The following MAML3 variants were observed in gnomAD, a reference collection of about 807,000 sequenced individuals.
MAML3 encodes mastermind like transcriptional coactivator 3, also known as mastermind-like protein 3.
MAML3 carries 27 observed loss-of-function variants against 101.9 expected under a neutral mutation model. That is an observed-to-expected ratio of 0.27 (90% CI 0.20 to 0.37). The LOEUF (loss-of-function observed/expected upper bound fraction) is 0.37, where lower values mean the gene tolerates loss of function less well. Among genes scored for constraint, MAML3 ranks in the 10% least tolerant of loss-of-function variants. The pLI is 1.00. For synonymous variants in MAML3, 501 were observed against 555.9 expected (o/e 0.90, Z 1.39); for missense variants, 1,316 against 1,444.9 (o/e 0.91, Z 1.45).
chr4:139,966,820 T>C lies in MAML3; in HGVS notation c.469-75853A>G, dbSNP rs181216862. Among the ~76,000 whole-genome samples the C allele has an allele frequency of 3.0e-3, 460 of 152,276 alleles. 8 individuals are homozygous for C. Among genetic ancestry groups the C allele is most frequent in the Admixed American group, 0.023 (353 of 15,294 alleles). The stretch of plus-strand genomic sequence containing the variant: ...AAATACCCATCATGAAAGGAAAAAG[T>C]GTTCACAACACTGGACCTTCTTGAA... On this transcript the variant is annotated intron_variant, in intron 1 of 4. Coordinates refer to ENST00000509479, the MANE Select transcript of MAML3 (RefSeq NM_018717.5).
At chr4:139,896,482 A>T (rs1035509314) in intron 1 of MAML3, among the ~76,000 whole-genome samples, 1 of 152,212 alleles carries the variant, frequency 6.6e-6, no homozygotes, top group Non-Finnish European at 1.5e-5. Flanking sequence ...TGTTCATCCA[A>T]TGCCTATGAC....
Position 140,070,760 on chromosome 4 carries a change from A to ACTT in MAML3, c.468+82097_468+82099dup, listed in dbSNP as rs529029289. Among the ~76,000 whole-genome samples, 5 of 152,346 alleles carry ACTT rather than the reference A, an allele frequency of 3.3e-5. No individual in the cohort carries two copies. In the South Asian group the frequency reaches 1.0e-3, roughly 32 times the overall value. The stretch of plus-strand genomic sequence containing the variant: ...CTCCTACCTAAGGCAACTTCTTCAT[A>ACTT]CTTTAGCTTATTATCTTTATTCGAA... On this transcript the variant is annotated intron_variant, in intron 1 of 4. Coordinates refer to ENST00000509479, the MANE Select transcript of MAML3 (RefSeq NM_018717.5).
intron 1 of MAML3, among the ~76,000 whole-genome samples, chr4:140,057,320 CAGA>C (rs1727366736): frequency 1.3e-5 from 2 of 152,040 alleles, no homozygotes. Context: ...GAGTATTTGC[CAGA>C]AGATTTTTTT....
chr4:139,788,592 T>G (rs1730347875), intron 2 of MAML3, among the ~76,000 whole-genome samples: 1 of 152,244 alleles, frequency 6.6e-6, no homozygotes, highest in Non-Finnish European at 1.5e-5. Flanking sequence ...TGTCCCTATT[T>G]TTAGCTGGGC....
At chr4:140,074,199 G>GAGAAAGAAAGAA (rs57126361) in intron 1 of MAML3, among the ~76,000 whole-genome samples, 3,143 of 81,870 alleles carry the variant, frequency 0.038, 141 homozygotes, top group African/African-American at 0.053. Flanking sequence ...GAGAAAGAAA[G>GAGAAAGAAAGAA]AGAAAGAAAG....
chr4:139,855,934 C>T (rs1731653414), intron 2 of MAML3, among the ~76,000 whole-genome samples: 1 of 152,194 alleles, frequency 6.6e-6, no homozygotes, highest in Admixed American at 6.5e-5. Context: ...CTCCCAGTCA[C>T]TCTTTAACAC....
At chr4:140,083,932 G>GCACACACA (rs142768616) in intron 1 of MAML3, among the ~76,000 whole-genome samples, 1 of 125,926 alleles carries the variant, frequency 7.9e-6, no homozygotes, top group African/African-American at 3.1e-5. Flanking sequence ...ACACACGCGC[G>GCACACACA]CACACACACA....
At chr4:140,108,976 T>C (rs1728396176) in intron 1 of MAML3, among the ~76,000 whole-genome samples, 1 of 152,092 alleles carries the variant, frequency 6.6e-6, no homozygotes, top group Non-Finnish European at 1.5e-5. Flanking sequence ...AGCATAGATA[T>C]AGAAACATAT....
chr4:139,923,194 A>G (rs1294229924), intron 1 of MAML3, among the ~76,000 whole-genome samples: 1 of 152,112 alleles, frequency 6.6e-6, no homozygotes, highest in Non-Finnish European at 1.5e-5. Flanking sequence ...CAGCTTTAGA[A>G]AAACTCCAGC....
rs537179972 is a variant in MAML3, at chr4:139,769,937, A to T, written c.2080-39270T>A. 8.9e-3 allele frequency among the ~76,000 whole-genome samples: 1,179 copies of T among 133,056 alleles called. 18 individuals are homozygous for T. The highest frequency in any genetic ancestry group is 0.033 in the African/African-American group (1,101 of 33,748). The allele number at this position is 133,056 out of a possible 152,430, so 87.3% of individuals were successfully genotyped here. A position where few individuals can be genotyped will look rare whatever the true frequency, so the allele number is the denominator to read the frequency against. ...GCCTCTTTTTTTTTTTTTTTTTTTT[A>T]AAGACACAGTCTCCCTCTGTTGCCC... On this transcript the variant is annotated intron_variant, in intron 2 of 4. Transcript: ENST00000509479.
chr4:140,110,580 C>T (rs1043913831), intron 1 of MAML3, among the ~76,000 whole-genome samples: 1 of 152,166 alleles, frequency 6.6e-6, no homozygotes, highest in African/African-American at 2.4e-5. Flanking sequence ...CCAGCAAACA[C>T]TTTCTGTGGA....
intron 1 of MAML3, among the ~76,000 whole-genome samples, chr4:139,910,273 TG>T (rs1560833222): frequency 6.6e-6 from 1 of 152,036 alleles, no homozygotes; most frequent in Non-Finnish European, 1.5e-5. Context: ...ACTCTGAGGG[TG>T]GGGCCCAGCA....
intron 2 of MAML3, among the ~76,000 whole-genome samples, chr4:139,837,113 ACT>A (rs1428117192): frequency 2.2e-5 from 3 of 134,454 alleles, no homozygotes; most frequent in Non-Finnish European, 3.2e-5. Context: ...CAAGAATGAA[ACT>A]CTGTCTCAAA....
chr4:139,869,457 C>A (rs1731960390), intron 2 of MAML3, among the ~76,000 whole-genome samples: 1 of 152,166 alleles, frequency 6.6e-6, no homozygotes, highest in Non-Finnish European at 1.5e-5. Context: ...GACAAGAATT[C>A]TTTATCCAGA....
intron 2 of MAML3, among the ~76,000 whole-genome samples, chr4:139,796,124 A>C (rs941739846): frequency 3.3e-5 from 5 of 152,200 alleles, no homozygotes; most frequent in African/African-American, 1.2e-4. Context: ...CATTTCTGTA[A>C]TTTTGTATAA....
At chr4:139,778,307 C>A (rs1379159062) in intron 2 of MAML3, among the ~76,000 whole-genome samples, 1 of 152,176 alleles carries the variant, frequency 6.6e-6, no homozygotes, top group African/African-American at 2.4e-5. Flanking sequence ...CAGGGCTGTG[C>A]ACTTTTGAAG....
At chr4:139,875,571 T>C (rs907483154) in intron 2 of MAML3, among the ~76,000 whole-genome samples, 4 of 152,198 alleles carry the variant, frequency 2.6e-5, no homozygotes, top group East Asian at 3.9e-4. Context: ...GCCACTCTCA[T>C]TGACATGTTA....
intron 1 of MAML3, among the ~76,000 whole-genome samples, chr4:139,928,899 G>A (rs1403001729): frequency 6.6e-6 from 1 of 152,178 alleles, no homozygotes; most frequent in Admixed American, 6.5e-5. Flanking sequence ...TAAATATTTG[G>A]AAGCTACTGA....
intron 2 of MAML3, among the ~76,000 whole-genome samples, chr4:139,764,437 T>C (rs1299652772): frequency 6.6e-6 from 1 of 152,186 alleles, no homozygotes; most frequent in Non-Finnish European, 1.5e-5. Flanking sequence ...GCTACGACCT[T>C]TTCCCGAATG....
Sources: allele counts gnomAD v4.1 joint callset (sites outside exome capture counted in the v4.1 genomes callset), GRCh38; gene constraint gnomAD v4.1.1; transcripts MANE v1.5; gene names NCBI Gene and HGNC (gene_info 2026-07-23, HGNC 2026-07-21).